HMSD: variants seen among roughly 807,000 people sequenced by gnomAD.
HMSD encodes histocompatibility minor serpin domain containing, also known as serpin-like protein HMSD.
In HMSD, 13 loss-of-function variants were observed where a neutral mutation model predicts 10.0. The observed-to-expected ratio is 1.31, with a 90% confidence interval of 0.85 to 2.08. HMSD has a LOEUF of 2.08. Ranked by LOEUF, HMSD falls within the 30% of genes most tolerant of loss-of-function variation. The pLI, the probability that HMSD is intolerant of heterozygous loss-of-function variation, is 0.00. For synonymous variants in HMSD, 51 were observed against 54.2 expected, an observed-to-expected ratio of 0.94 and a Z score of 0.26; for missense variants, 169 against 166.3, an observed-to-expected ratio of 1.02 and a Z score of -0.09.
At chr18:63,963,125 CTTT>C (rs2050396066), downstream of HMSD, among the ~76,000 whole-genome samples, 2 of 117,042 alleles carry the variant, frequency 1.7e-5, no homozygotes, top group Non-Finnish European at 3.8e-5. Context: ...TTCTTTCTTT[CTTT>C]CTTTCCTTTC....
intron 3 of HMSD, 100 bp from the exon 4 acceptor site, chr18:63,960,058 T>C: frequency 8.5e-7 from 1 of 1,171,566 alleles, no homozygotes; most frequent in South Asian, 1.4e-5. Context: ...ATATGGTAAA[T>C]CATAAAATTA....
downstream of HMSD, among the ~76,000 whole-genome samples, chr18:63,963,726 C>G (rs1028679084): frequency 1.3e-5 from 2 of 152,218 alleles, no homozygotes; most frequent in African/African-American, 2.4e-5. Context: ...AATTTATTGT[C>G]TATCAGCTCT....
At chr18:63,966,872 C>CA (rs2050411986) in intron 3 of HMSD, 2 of 152,240 alleles carry the variant, frequency 1.3e-5, no homozygotes. Context: ...TCCTCTCCTG[C>CA]AAAATATAAG....
At chr18:63,966,256 T>G (rs943163401), downstream of HMSD, 2 of 152,204 alleles carry the variant, frequency 1.3e-5, no homozygotes, top group African/African-American at 2.4e-5. Flanking sequence ...CTTTTGAATT[T>G]AGGATTGTGC....
downstream of HMSD, among the ~76,000 whole-genome samples, chr18:63,963,098 TTTCTTTCTTTC>T (rs1325760404): frequency 1.5e-5 from 2 of 131,742 alleles, no homozygotes; most frequent in African/African-American, 6.8e-5. Context: ...TCTTTCTTTC[TTTCTTTCTTTC>T]TTTCTTTCTT....
chr18:63,966,798 C>G (rs1297595301), downstream of HMSD: 1 of 152,208 alleles, frequency 6.6e-6, no homozygotes, highest in Non-Finnish European at 1.5e-5. Context: ...ACTGTAGTCT[C>G]AATTCTTCTG....
At chr18:63,956,917 TG>T (rs1345052997) in intron 3 of HMSD, among the ~76,000 whole-genome samples, 2 of 152,210 alleles carry the variant, frequency 1.3e-5, no homozygotes, top group African/African-American at 4.8e-5. Flanking sequence ...TCATGTCCTT[TG>T]CAGCCACAGA....
downstream of HMSD, among the ~76,000 whole-genome samples, chr18:63,965,204 A>T (rs978771862): frequency 8.5e-5 from 13 of 152,188 alleles, no homozygotes; most frequent in African/African-American, 2.9e-4. Flanking sequence ...AAACTACTCC[A>T]TTAAAAACTG....
rs1205054354 is a variant in HMSD, at chr18:63,960,178, C to T, written c.243C>T (p.Gly81=). ...DFLTGFTDSC[G]KFYQATIKQL... ...CCTAGGGTTTTACAGATTCCTGTGG[C>T]AAATTCTACCAAGCAACGATAAAAC... The change falls in exon 4 of 4, where the codon GGC becomes GGT. Residue 81 remains glycine (G), a synonymous_variant. Transcript: ENST00000408945. 1 of 1,611,526 alleles carries T rather than the reference C, an allele frequency of 6.2e-7. No homozygotes were observed. The highest frequency in any genetic ancestry group is 8.5e-7 in the Non-Finnish European group (1 of 1,179,422).
chr18:63,966,360 C>A (rs993710709), downstream of HMSD: 1 of 152,080 alleles, frequency 6.6e-6, no homozygotes, highest in African/African-American at 2.4e-5. Flanking sequence ...AAAGGACTAA[C>A]CAAATAATAT....
Position 63,953,481 on chromosome 18 carries a change from TG to T in HMSD, c.28del (p.Val10PhefsTer79). 3 of 1,613,988 alleles carry T rather than the reference TG, an allele frequency of 1.9e-6. No homozygotes were observed. Among genetic ancestry groups the T allele is most frequent in the Non-Finnish European group, 2.5e-6 (3 of 1,179,882 alleles). On this transcript the variant is annotated frameshift_variant, in exon 2 of 4. Coordinates refer to ENST00000408945, the MANE Select transcript of HMSD (RefSeq NM_001123366.2). LOFTEE classifies it high-confidence loss of function. ...ATGAGCATATCATCAGCCTTGGCCATGGTTTTCATGGGGGCAAAGGGAAACA... is the reference window on the plus strand; with the variant it reads ...ATGAGCATATCATCAGCCTTGGCCATGTTTTCATGGGGGCAAAGGGAAACA... MSISSALA[M>X]VFMGAKGNTA...
chr18:63,952,055 C>T (rs560043970), intron 1 of HMSD, among the ~76,000 whole-genome samples: 4 of 146,304 alleles, frequency 2.7e-5, no homozygotes, highest in Non-Finnish European at 5.9e-5. Flanking sequence ...AACCAAACAC[C>T]GCATATTCTC....
chr18:63,962,317 G>A (rs2050390462), downstream of HMSD, among the ~76,000 whole-genome samples: 1 of 152,216 alleles, frequency 6.6e-6, no homozygotes, highest in Admixed American at 6.5e-5. Flanking sequence ...GAAAAGCCAT[G>A]AGTAATCTCT....
rs1472847608 is a variant in HMSD at position 63,960,315 on chromosome 18, A to G, written c.380A>G (p.Asn127Ser). The G allele has an allele frequency of 3.7e-6, 6 of 1,601,062 alleles. No homozygotes were observed. Among genetic ancestry groups the G allele is most frequent in the Admixed American group, 1.7e-5 (1 of 59,072 alleles). The change falls in exon 4 of 4, where the codon AAC (asparagine) becomes AGC (serine). Residue 127 changes from asparagine (N) to serine (S), a missense_variant. Transcript: ENST00000408945. ...TTATTCTATTTCGATAATATTTTAA[A>G]CAGTTTTATAGTCAGTTCTTTACAA... ...ILLFYFDNIL[N>S]SFIVSSLQNC... is the part of the protein sequence containing the mutation.
Position 63,960,156 on chromosome 18 carries a change from A to G in HMSD, c.223-2A>G, listed in dbSNP as rs2050378418. The G allele has an allele frequency of 6.2e-7, 1 of 1,609,814 alleles. No individual in the cohort carries two copies. The highest frequency in any genetic ancestry group is 1.7e-5 in the Admixed American group (1 of 58,972). On this transcript the variant is annotated splice_acceptor_variant, in intron 3 of 3. Coordinates refer to ENST00000408945, the MANE Select transcript of HMSD (RefSeq NM_001123366.2). LOFTEE classifies it high-confidence loss of function. ...TGAAATTATGTTTTTGGTTTTTCCT[A>G]GGGTTTTACAGATTCCTGTGGCAAA...
intron 3 of HMSD, among the ~76,000 whole-genome samples, chr18:63,956,126 C>T (rs1235173631): frequency 6.6e-6 from 1 of 152,120 alleles, no homozygotes; most frequent in African/African-American, 2.4e-5. Flanking sequence ...TTGCTCTACG[C>T]CCTCCTAGGA....
chr18:63,957,990 T>G (rs1008349462), intron 3 of HMSD, among the ~76,000 whole-genome samples: 42 of 152,304 alleles, frequency 2.8e-4, no homozygotes, highest in African/African-American at 1.0e-3. Flanking sequence ...AAAGATCACC[T>G]AGGCGTGCAA....
intron 3 of HMSD, among the ~76,000 whole-genome samples, chr18:63,959,431 G>A (rs1366332510): frequency 6.6e-6 from 1 of 152,090 alleles, no homozygotes; most frequent in Admixed American, 6.6e-5. Context: ...GAATCTCCGA[G>A]TACTTTTGGA....
chr18:63,962,466 T>C (rs2050390823), downstream of HMSD, among the ~76,000 whole-genome samples: 1 of 152,176 alleles, frequency 6.6e-6, no homozygotes, highest in Non-Finnish European at 1.5e-5. Context: ...TTATCCCATC[T>C]GAAAAGTGGA....
Sources: gnomAD v4.1 joint callset for allele counts (sites outside exome capture counted in the v4.1 genomes callset) on GRCh38, gnomAD v4.1.1 for gene constraint, MANE v1.5 for transcripts, NCBI Gene and HGNC (gene_info 2026-07-23, HGNC 2026-07-21) for gene names.